PCDHGA8: variants seen among roughly 807,000 people sequenced by gnomAD.
The protein encoded by PCDHGA8 is protocadherin gamma-A8.
A neutral mutation model predicts 59.2 loss-of-function variants in PCDHGA8; 45 were observed. The ratio of observed to expected loss-of-function variants is 0.76; its 90% CI spans 0.60 to 0.98. The LOEUF (loss-of-function observed/expected upper bound fraction) is 0.98. PCDHGA8 is among the 50% of genes least tolerant of loss of function. The pLI is 0.00. For missense variants in PCDHGA8, 1,257 were observed against 1,196.2 expected, an observed-to-expected ratio of 1.05 and a Z score of -0.75; for synonymous variants, 531 against 519.0, an observed-to-expected ratio of 1.02 and a Z score of -0.32.
intron 1 of PCDHGA8, chr5:141,419,094 G>A (rs1241481126): frequency 2.5e-6 from 4 of 1,613,776 alleles, no homozygotes; most frequent in South Asian, 1.1e-5. Flanking sequence ...GCCCTGGATC[G>A]GGAGCAGACC....
intron 1 of PCDHGA8, among the ~76,000 whole-genome samples, chr5:141,468,246 A>G (rs2099161183): frequency 6.7e-6 from 1 of 149,754 alleles, no homozygotes; most frequent in South Asian, 2.1e-4. Context: ...AATTGCCTGA[A>G]CCTGGGAGGC....
In PCDHGA8 at chr5:141,477,013, T is replaced by A. The variant is rs1285961519; in HGVS notation, c.2425-17794T>A. On this transcript the variant is annotated intron_variant, in intron 1 of 3. Coordinates refer to ENST00000398604, the MANE Select transcript of PCDHGA8 (RefSeq NM_032088.2). This position sits in a 1 kb window ranked among gnomAD's most constrained non-coding sequence, Gnocchi z 4.9. ...TGCGGCAACTATTCGCCTTAGACCT[T>A]GTAACCGGGATGCTGACAATCAAGG... is the stretch of plus-strand genomic sequence containing the variant. 6.2e-7 allele frequency: 1 copy of A among 1,614,204 alleles called. No individual in the cohort carries two copies. The highest frequency in any genetic ancestry group is 2.2e-5 in the East Asian group (1 of 44,878).
At chr5:141,418,050 G>T in intron 1 of PCDHGA8, 1 of 1,613,576 alleles carries the variant, frequency 6.2e-7, no homozygotes, top group Non-Finnish European at 8.5e-7. Context: ...GTGTCGGCTC[G>T]CGAGCTGCGA....
intron 2 of PCDHGA8, among the ~76,000 whole-genome samples, chr5:141,503,998 A>G (rs746158378): frequency 4.6e-5 from 7 of 152,104 alleles, no homozygotes; most frequent in Admixed American, 1.3e-4. Context: ...CCTTACAGTC[A>G]CTTAACTGTC....
chr5:141,422,467 G>A (rs1380910490), intron 1 of PCDHGA8: 1 of 1,613,664 alleles, frequency 6.2e-7, no homozygotes, highest in Non-Finnish European at 8.5e-7. Context: ...GCTGGACAGG[G>A]AGTTGGTCCA....
intron 1 of PCDHGA8, among the ~76,000 whole-genome samples, chr5:141,434,888 C>T (rs1287540129): frequency 6.6e-6 from 1 of 150,944 alleles, no homozygotes; most frequent in Non-Finnish European, 1.5e-5. Flanking sequence ...AACAACAATC[C>T]AGTCCCCTTC....
Position 141,431,581 on chromosome 5 carries a change from T to C in PCDHGA8, c.2424+36344T>C. The C allele has an allele frequency of 1.2e-6, 2 of 1,614,160 alleles. No individual in the cohort carries two copies. Among genetic ancestry groups the C allele is most frequent in the Non-Finnish European group, 1.7e-6 (2 of 1,180,022 alleles). ...CTACCGACCCTGACGAAGGAGTCAA[T>C]GCGGAAGTGAGGTATTCCTTCCGGT... On this transcript the variant is annotated intron_variant, in intron 1 of 3. Transcript: ENST00000398604. This position sits in a 1 kb window ranked among gnomAD's most constrained non-coding sequence, Gnocchi z 4.8.
Position 141,470,005 on chromosome 5 carries a change from T to A in PCDHGA8, c.2425-24802T>A, listed in dbSNP as rs189976589. Reference sequence around the variant, plus strand: ...AATTAGCTGGTCGTCGTGGCACGCCTGTAATCCCAGCTACTCGGGATGCTG... The same window carrying A: ...AATTAGCTGGTCGTCGTGGCACGCCAGTAATCCCAGCTACTCGGGATGCTG... On this transcript the variant is annotated intron_variant, in intron 1 of 3. Coordinates refer to ENST00000398604, the MANE Select transcript of PCDHGA8 (RefSeq NM_032088.2). 2.4e-4 allele frequency among the ~76,000 whole-genome samples: 37 copies of A among 152,254 alleles called. 2 individuals carry two copies. The highest frequency in any genetic ancestry group is 7.2e-4 in the Admixed American group (11 of 15,274).
At chr5:141,420,006 G>T in intron 1 of PCDHGA8, 1 of 1,614,052 alleles carries the variant, frequency 6.2e-7, no homozygotes, top group Non-Finnish European at 8.5e-7. Flanking sequence ...CTACGCCTGC[G>T]ACAGTCTTTC....
At position 141,419,312 on chromosome 5, in the gene PCDHGA8, G is replaced by C. The variant is rs35892780; in HGVS notation, c.2424+24075G>C. On this transcript the variant is annotated intron_variant, in intron 1 of 3. Transcript: ENST00000398604. ...CTCTGACCCAGACTTCGGGCTCAAC[G>C]GCCGTGTCTCCTACTCTCTCATTGC... 1.0e-3 allele frequency: 1,689 copies of C among 1,613,962 alleles called. 4 individuals are homozygous for C. Among genetic ancestry groups the C allele is most frequent in the Middle Eastern group, 5.3e-3 (32 of 6,062 alleles).
intron 2 of PCDHGA8, among the ~76,000 whole-genome samples, chr5:141,497,767 C>T (rs1419825322): frequency 1.3e-5 from 2 of 152,066 alleles, no homozygotes; most frequent in East Asian, 3.9e-4. Flanking sequence ...TCAAACTCCC[C>T]GACCTCAACT....
chr5:141,430,583 C>A, intron 1 of PCDHGA8: 1 of 490,378 alleles, frequency 2.0e-6, no homozygotes, highest in Non-Finnish European at 3.4e-6. Flanking sequence ...AGATCCTGCT[C>A]GCCTTGCACG....
intron 1 of PCDHGA8, among the ~76,000 whole-genome samples, chr5:141,483,646 GTT>G (rs2099584256): frequency 6.8e-6 from 1 of 146,706 alleles, no homozygotes; most frequent in Admixed American, 6.7e-5. Flanking sequence ...AGGGGTGTGT[GTT>G]TGTGTGTGTG....
rs930695301 is a variant in PCDHGA8, at chr5:141,472,874, T to C, written c.2425-21933T>C. On this transcript the variant is annotated intron_variant, in intron 1 of 3. Coordinates refer to ENST00000398604, the MANE Select transcript of PCDHGA8 (RefSeq NM_032088.2). ...GGTGGCACATGCCTGTATTCCCAGC[T>C]ACTCGGGAGGCTGAGGCAGGAGAAT... Among the ~76,000 whole-genome samples, 5 of 150,448 alleles carry C rather than the reference T, an allele frequency of 3.3e-5. No homozygotes were observed. In the Admixed American group the frequency reaches 3.3e-4, roughly 10 times the overall value.
intron 1 of PCDHGA8, among the ~76,000 whole-genome samples, chr5:141,430,347 A>C (rs2097274758): frequency 6.6e-6 from 1 of 151,944 alleles, no homozygotes; most frequent in Non-Finnish European, 1.5e-5. Flanking sequence ...CTTCCAATTC[A>C]TTTAAAAGCT....
intron 3 of PCDHGA8, among the ~76,000 whole-genome samples, chr5:141,509,045 GC>G (rs1165443091): frequency 6.6e-6 from 1 of 152,060 alleles, no homozygotes; most frequent in Non-Finnish European, 1.5e-5. Context: ...CCTCTCCCCC[GC>G]CCCCAGAAAG....
At chr5:141,416,497 T>G (rs1426816820) in intron 1 of PCDHGA8, 3 of 152,116 alleles carry the variant, frequency 2.0e-5, no homozygotes, top group Non-Finnish European at 4.4e-5. Context: ...GAGCAAGAGA[T>G]ATATGACAAA....
Position 141,491,706 on chromosome 5 carries a change from G to T in PCDHGA8, c.2425-3101G>T. 6.2e-7 allele frequency: 1 copy of T among 1,611,088 alleles called. No individual in the cohort carries two copies. Among genetic ancestry groups the T allele is most frequent in the Non-Finnish European group, 8.5e-7 (1 of 1,178,772 alleles). On this transcript the variant is annotated intron_variant, in intron 1 of 3. Coordinates refer to ENST00000398604, the MANE Select transcript of PCDHGA8 (RefSeq NM_032088.2). The surrounding 1 kb of genome is among the most constrained non-coding windows in gnomAD (Gnocchi z 6.9). Reference sequence around the variant, plus strand: ...CGCTGCGGGAGCGGAGCCAGGTGAGGGGCTCGGCGCCGCCCCGGGCGACCC... The same window carrying T: ...CGCTGCGGGAGCGGAGCCAGGTGAGTGGCTCGGCGCCGCCCCGGGCGACCC...
chr5:141,413,881 G>C (rs774026375), intron 1 of PCDHGA8: 5 of 1,613,400 alleles, frequency 3.1e-6, no homozygotes, highest in Non-Finnish European at 4.2e-6. Context: ...CAGTGTGACT[G>C]TCTTCGATGC....
Sources: allele counts gnomAD v4.1 joint callset (sites outside exome capture counted in the v4.1 genomes callset), GRCh38; gene constraint gnomAD v4.1.1; non-coding constraint Gnocchi (gnomAD v3.1); transcripts MANE v1.5; gene names NCBI Gene and HGNC (gene_info 2026-07-23, HGNC 2026-07-21).